The following CNNM2 variants were observed in gnomAD, a reference collection of about 807,000 sequenced individuals.
CNNM2 encodes the protein metal transporter CNNM2.
A neutral mutation model predicts 66.9 loss-of-function variants in CNNM2; 12 were observed. The observed-to-expected ratio is 0.18, with a 90% CI of 0.11 to 0.29. The LOEUF (loss-of-function observed/expected upper bound fraction) is 0.29, where lower values mean the gene tolerates loss of function less well. Among genes scored for constraint, CNNM2 ranks in the 10% least tolerant of loss-of-function variants. The probability of loss-of-function intolerance (pLI) is 1.00; values close to 1 mark genes in which losing one functional copy is unlikely to be tolerated. For missense variants in CNNM2, 705 were observed against 1,167.7 expected, an observed-to-expected ratio of 0.60 and a Z score of 5.77; for synonymous variants, 557 against 501.8, an observed-to-expected ratio of 1.11 and a Z score of -1.47.
chr10:103,052,400 C>T (rs2065230927), intron 2 of CNNM2, among the ~76,000 whole-genome samples: 1 of 151,950 alleles, frequency 6.6e-6, no homozygotes, highest in African/African-American at 2.4e-5. Flanking sequence ...GTTTGCACTT[C>T]AGTTTTATAC....
Position 103,077,312 on chromosome 10 carries a change from T to C in CNNM2, c.*132T>C. ...TGCAACATCCTGAGACCAAAGACCTTGTGCCCTTCCCAGGAGCCGCGGAGG... is the reference window on the plus strand; with the variant it reads ...TGCAACATCCTGAGACCAAAGACCTCGTGCCCTTCCCAGGAGCCGCGGAGG... On this transcript the variant is annotated 3_prime_UTR_variant, in exon 8 of 8. Transcript: ENST00000369878. 5.1e-6 allele frequency: 4 copies of C among 784,102 alleles called. No individual in the cohort carries two copies. The South Asian group carries it at 5.5e-5, about 11-fold the overall frequency. The allele number at this position is 784,102 out of a possible 1,614,324, so 48.6% of individuals were successfully genotyped here.
At position 102,919,377 on chromosome 10, in the gene CNNM2, G is replaced by A. The variant is rs147519952; in HGVS notation, c.897G>A (p.Lys299=). 1.2e-6 allele frequency: 2 copies of A among 1,612,424 alleles called. No homozygotes were observed. Among genetic ancestry groups the A allele is most frequent in the South Asian group, 2.2e-5 (2 of 91,088 alleles). The change falls in exon 1 of 8, where the codon AAG becomes AAA. Residue 299 remains lysine, a synonymous_variant. Coordinates refer to ENST00000369878, the MANE Select transcript of CNNM2 (RefSeq NM_017649.5). ...AGAACTGCGGCACGGAGAAGGAGAA[G>A]AATTACGCCAAGCGCATCGAGCCGG... ...IVQNCGTEKE[K]NYAKRIEPVR... is the part of the protein sequence containing the mutation.
chr10:102,984,369 A>G (rs901443058), intron 1 of CNNM2, among the ~76,000 whole-genome samples: 1 of 152,218 alleles, frequency 6.6e-6, no homozygotes, highest in African/African-American at 2.4e-5. Context: ...AAATTGGCCA[A>G]TTAAAGCTGG....
intron 1 of CNNM2, among the ~76,000 whole-genome samples, chr10:102,960,112 C>G (rs1393600243): frequency 2.0e-5 from 3 of 151,852 alleles, no homozygotes; most frequent in Non-Finnish European, 4.4e-5. Flanking sequence ...ATAATCTCTC[C>G]TAGGGTCATG....
intron 6 of CNNM2, among the ~76,000 whole-genome samples, chr10:103,074,077 C>G (rs994335145): frequency 3.9e-5 from 6 of 152,010 alleles, no homozygotes; most frequent in Admixed American, 2.0e-4. Context: ...CACCTGAGGT[C>G]AGGAGTTCAA....
At chr10:102,991,808 C>T (rs1029707408) in intron 1 of CNNM2, among the ~76,000 whole-genome samples, 1 of 152,146 alleles carries the variant, frequency 6.6e-6, no homozygotes, top group African/African-American at 2.4e-5. Context: ...TAAATAGATG[C>T]TTCTAAGTGC....
At chr10:102,962,866 G>T (rs539704743) in intron 1 of CNNM2, among the ~76,000 whole-genome samples, 21 of 152,174 alleles carry the variant, frequency 1.4e-4, no homozygotes, top group African/African-American at 4.6e-4. Flanking sequence ...AGAAAGAAGT[G>T]AATAAACATT....
intron 1 of CNNM2, among the ~76,000 whole-genome samples, chr10:102,994,421 C>T (rs1398429642): frequency 1.3e-5 from 2 of 152,174 alleles, no homozygotes; most frequent in Non-Finnish European, 2.9e-5. Context: ...GAGCATCTAC[C>T]ATATGTTTAG....
rs1356120507 is a variant in CNNM2 at position 103,089,923 on chromosome 10, G to C, written c.*12743G>C. Reference sequence around the variant, plus strand: ...TCATGAGGCATCTAGACAGAAAAAAGCTAGAGGCTCAGAAAGCAGGCAGAG... The same window carrying C: ...TCATGAGGCATCTAGACAGAAAAAACCTAGAGGCTCAGAAAGCAGGCAGAG... On this transcript the variant is annotated 3_prime_UTR_variant, in exon 8 of 8. Coordinates refer to ENST00000369878, the MANE Select transcript of CNNM2 (RefSeq NM_017649.5). 2.6e-6 allele frequency: 4 copies of C among 1,567,882 alleles called. No homozygotes were observed. The South Asian group carries it at 4.7e-5, about 19-fold the overall frequency.
At chr10:103,008,068 C>T (rs1192034144) in intron 1 of CNNM2, among the ~76,000 whole-genome samples, 2 of 152,156 alleles carry the variant, frequency 1.3e-5, no homozygotes, top group Non-Finnish European at 2.9e-5. Context: ...GCTCCTAAAT[C>T]CCACTGAGTA....
At position 102,971,241 on chromosome 10, in the gene CNNM2, C is replaced by G. The variant is rs1305332215; in HGVS notation, c.1621+51140C>G. Reference sequence around the variant, plus strand: ...AAACACTATGGTGACTTAGAGACCTCGTCCCTAAAAAAAAAAAAAAGAAAA... The same window carrying G: ...AAACACTATGGTGACTTAGAGACCTGGTCCCTAAAAAAAAAAAAAAGAAAA... On this transcript the variant is annotated intron_variant, in intron 1 of 7. Coordinates refer to ENST00000369878, the MANE Select transcript of CNNM2 (RefSeq NM_017649.5). Among the ~76,000 whole-genome samples the G allele has an allele frequency of 1.2e-4, 16 of 135,318 alleles. No individual in the cohort carries two copies. In the South Asian group the frequency reaches 3.1e-3, roughly 26 times the overall value. The allele number at this position is 135,318 out of a possible 152,430, so 88.8% of individuals were successfully genotyped here. A position where few individuals can be genotyped will look rare whatever the true frequency, so the allele number is the denominator to read the frequency against.
intron 1 of CNNM2, among the ~76,000 whole-genome samples, chr10:103,036,456 AC>A (rs2064940896): frequency 6.6e-6 from 1 of 152,126 alleles, no homozygotes; most frequent in Admixed American, 6.5e-5. Context: ...TCACAACAGC[AC>A]CTAGATTAGT....
chr10:103,024,488 A>T (rs1590412248), intron 1 of CNNM2, among the ~76,000 whole-genome samples: 1 of 151,508 alleles, frequency 6.6e-6, no homozygotes, highest in Non-Finnish European at 1.5e-5. Flanking sequence ...TTTTATTTTT[A>T]TTTTTTTTGA....
chr10:102,957,050 C>G (rs553635443), intron 1 of CNNM2, among the ~76,000 whole-genome samples: 6 of 152,122 alleles, frequency 3.9e-5, no homozygotes, highest in Non-Finnish European at 7.4e-5. Context: ...GCCTGTAATC[C>G]CAGCACTTTG....
intron 1 of CNNM2, among the ~76,000 whole-genome samples, chr10:102,969,680 T>C (rs975809250): frequency 6.6e-6 from 1 of 152,152 alleles, no homozygotes; most frequent in African/African-American, 2.4e-5. Flanking sequence ...TTTTGCTCTT[T>C]GTTGCCCAGG....
At chr10:102,999,736 G>A (rs1215563177) in intron 1 of CNNM2, among the ~76,000 whole-genome samples, 4 of 152,096 alleles carry the variant, frequency 2.6e-5, no homozygotes, top group Non-Finnish European at 5.9e-5. Flanking sequence ...GCTAAAAACA[G>A]TCTTGAAAAA....
At chr10:102,975,732 A>G (rs750084840) in intron 1 of CNNM2, among the ~76,000 whole-genome samples, 1 of 152,170 alleles carries the variant, frequency 6.6e-6, no homozygotes, top group Non-Finnish European at 1.5e-5. Flanking sequence ...GCCTCCTTCC[A>G]ATTGTAAAAT....
At chr10:102,943,551 A>G (rs1846503623) in intron 1 of CNNM2, among the ~76,000 whole-genome samples, 1 of 152,218 alleles carries the variant, frequency 6.6e-6, no homozygotes, top group Non-Finnish European at 1.5e-5. Context: ...TGTACTTTCT[A>G]AATTGAGCAG....
At chr10:102,954,066 A>G (rs1000222984) in intron 1 of CNNM2, among the ~76,000 whole-genome samples, 4 of 151,872 alleles carry the variant, frequency 2.6e-5, no homozygotes, top group Non-Finnish European at 5.9e-5. Context: ...GACTGCTCAA[A>G]GACACCAAAC....
Sources: gnomAD v4.1 joint callset for allele counts (sites outside exome capture counted in the v4.1 genomes callset) on GRCh38, gnomAD v4.1.1 for gene constraint, MANE v1.5 for transcripts, NCBI Gene and HGNC (gene_info 2026-07-23, HGNC 2026-07-21) for gene names.